The following PTPRD variants were observed in gnomAD, a reference collection of about 807,000 sequenced individuals.
PTPRD encodes receptor-type tyrosine-protein phosphatase delta.
In PTPRD, 34 loss-of-function variants were observed where a neutral mutation model predicts 214.5. The ratio of observed to expected loss-of-function variants is 0.16; its 90% CI spans 0.12 to 0.21. The LOEUF (loss-of-function observed/expected upper bound fraction) is 0.21, where lower values mean the gene tolerates loss of function less well. Among genes scored for constraint, PTPRD ranks in the 10% least tolerant of loss-of-function variants. The pLI, the probability that PTPRD is intolerant of heterozygous loss-of-function variation, is 1.00. For synonymous variants in PTPRD, 1,128 were observed against 845.7 expected (o/e 1.33, Z -5.79); for missense variants, 2,545 against 2,398.7 (o/e 1.06, Z -1.27).
chr9:8,512,554 C>G (rs1436847606), intron 21 of PTPRD, among the ~76,000 whole-genome samples: 2 of 151,912 alleles, frequency 1.3e-5, no homozygotes, highest in Non-Finnish European at 2.9e-5. Context: ...CTTTGTCTCT[C>G]AATGTCATAG....
At chr9:9,154,240 T>C (rs1317682764) in intron 10 of PTPRD, among the ~76,000 whole-genome samples, 3 of 152,194 alleles carry the variant, frequency 2.0e-5, no homozygotes, top group Non-Finnish European at 2.9e-5. Context: ...TTTATAGTAA[T>C]AAGCTGAGAT....
chr9:9,526,427 C>T (rs994237249), intron 8 of PTPRD, among the ~76,000 whole-genome samples: 3 of 152,060 alleles, frequency 2.0e-5, no homozygotes, highest in Non-Finnish European at 4.4e-5. Context: ...TGCACCATGG[C>T]ATTATGTAAT....
At chr9:8,941,891 C>T (rs766616407) in intron 11 of PTPRD, among the ~76,000 whole-genome samples, 10 of 152,124 alleles carry the variant, frequency 6.6e-5, no homozygotes, top group African/African-American at 2.2e-4. Flanking sequence ...CTGCAACCTC[C>T]GCCTCCCGGG....
chr9:9,829,177 G>C (rs1159786510), intron 5 of PTPRD, among the ~76,000 whole-genome samples: 1 of 151,860 alleles, frequency 6.6e-6, no homozygotes, highest in African/African-American at 2.4e-5. Context: ...AGTTAGGAAA[G>C]ATGAATTCAA....
intron 11 of PTPRD, among the ~76,000 whole-genome samples, chr9:8,891,437 A>AT (rs2098539381): frequency 7.1e-6 from 1 of 141,134 alleles, no homozygotes; most frequent in Non-Finnish European, 1.5e-5. Flanking sequence ...TGGTCAATCT[A>AT]ATTTTTTTTT....
intron 7 of PTPRD, among the ~76,000 whole-genome samples, chr9:9,650,157 A>T (rs761791934): frequency 9.9e-5 from 15 of 152,210 alleles, no homozygotes; most frequent in Middle Eastern, 3.4e-3. Context: ...AAAGGGTTTA[A>T]AAGTGTGCAG....
intron 3 of PTPRD, among the ~76,000 whole-genome samples, chr9:10,203,679 C>T (rs776912067): frequency 1.3e-5 from 2 of 152,102 alleles, no homozygotes; most frequent in African/African-American, 4.8e-5. Context: ...GACAATTCTG[C>T]TTCTCCCTAC....
At position 9,212,524 on chromosome 9, in the gene PTPRD, G is replaced by C. The variant is rs144806687; in HGVS notation, c.-202-29161C>G. Among the ~76,000 whole-genome samples, 926 of 152,222 alleles carry C rather than the reference G, an allele frequency of 6.1e-3. 8 individuals are homozygous for C. The highest frequency in any genetic ancestry group is 0.02 in the African/African-American group (836 of 41,536). Reference sequence around the variant, plus strand: ...ACACTTTGGTCAAATCCATTGAGCAGCCAAGAAAATTAACTTGTTTTAACT... The same window carrying C: ...ACACTTTGGTCAAATCCATTGAGCACCCAAGAAAATTAACTTGTTTTAACT... On this transcript the variant is annotated intron_variant, in intron 9 of 45. Transcript: ENST00000381196.
intron 4 of PTPRD, among the ~76,000 whole-genome samples, chr9:10,032,885 G>A (rs1039187230): frequency 2.6e-5 from 4 of 151,722 alleles, no homozygotes; most frequent in African/African-American, 9.7e-5. Context: ...CAGTAAATTT[G>A]CATGATTTTA....
intron 9 of PTPRD, among the ~76,000 whole-genome samples, chr9:9,193,326 A>G (rs931943074): frequency 3.3e-5 from 5 of 152,136 alleles, no homozygotes; most frequent in African/African-American, 9.7e-5. Flanking sequence ...GAACATGATA[A>G]TTATGCTATT....
intron 3 of PTPRD, among the ~76,000 whole-genome samples, chr9:10,315,944 T>C (rs905885757): frequency 6.6e-6 from 1 of 151,888 alleles, no homozygotes; most frequent in African/African-American, 2.4e-5. Context: ...AGGTTTATCA[T>C]AAAACTTGGA....
chr9:9,208,134 C>A (rs1334986519), intron 9 of PTPRD, among the ~76,000 whole-genome samples: 1 of 149,118 alleles, frequency 6.7e-6, no homozygotes, highest in East Asian at 2.1e-4. Context: ...CCTGTCTCAG[C>A]CTCCGGAGTA....
intron 14 of PTPRD, among the ~76,000 whole-genome samples, chr9:8,541,043 A>G (rs1391397909): frequency 6.6e-6 from 1 of 152,210 alleles, no homozygotes; most frequent in African/African-American, 2.4e-5. Context: ...CATCACATAT[A>G]AAATGTTTCA....
intron 8 of PTPRD, among the ~76,000 whole-genome samples, chr9:9,416,377 G>A (rs913535841): frequency 3.9e-5 from 6 of 152,160 alleles, no homozygotes; most frequent in Non-Finnish European, 8.8e-5. Flanking sequence ...CCACTTAATA[G>A]CTGTGCTCTT....
intron 3 of PTPRD, among the ~76,000 whole-genome samples, chr9:10,278,029 G>A (rs1029299781): frequency 2.0e-5 from 3 of 151,974 alleles, no homozygotes; most frequent in South Asian, 2.1e-4. Flanking sequence ...GTGTGGTGGC[G>A]GACGCCTGTA....
rs560031693 is a variant in PTPRD at position 10,612,910 on chromosome 9, G to A, written c.-930C>T. ...GCTGCCCCCACGCGCTCCGGCCGCC[G>A]GCTGCGGGCGCGGCTGGGCGGGGAG... On this transcript the variant is annotated 5_prime_UTR_variant, in exon 1 of 46. Transcript: ENST00000381196. Among the ~76,000 whole-genome samples the A allele has an allele frequency of 5.3e-5, 8 of 151,836 alleles. No individual in the cohort carries two copies. The South Asian group carries it at 1.5e-3, about 28-fold the overall frequency.
At chr9:8,430,759 CT>C (rs1213963809) in intron 35 of PTPRD, among the ~76,000 whole-genome samples, 4 of 152,134 alleles carry the variant, frequency 2.6e-5, no homozygotes, top group Admixed American at 2.0e-4. Flanking sequence ...TCTCATGTGC[CT>C]TTCCCTTGAT....
At chr9:9,657,044 A>G (rs769048895) in intron 7 of PTPRD, among the ~76,000 whole-genome samples, 7 of 152,138 alleles carry the variant, frequency 4.6e-5, no homozygotes, top group Admixed American at 1.3e-4. Context: ...ATAAATAACA[A>G]CCACTTGAAT....
chr9:8,864,816 A>G (rs1466588026), intron 11 of PTPRD, among the ~76,000 whole-genome samples: 1 of 152,228 alleles, frequency 6.6e-6, no homozygotes, highest in Non-Finnish European at 1.5e-5. Flanking sequence ...ATTCAGTAAC[A>G]GTTTTCAAAA....
Sources: allele counts gnomAD v4.1 joint callset (sites outside exome capture counted in the v4.1 genomes callset), GRCh38; gene constraint gnomAD v4.1.1; transcripts MANE v1.5; gene names NCBI Gene and HGNC (gene_info 2026-07-23, HGNC 2026-07-21).